PLEK2: variants seen among roughly 807,000 people sequenced by gnomAD.
The protein encoded by PLEK2 is pleckstrin-2.
A neutral mutation model predicts 43.8 loss-of-function variants in PLEK2; 29 were observed. The ratio of observed to expected loss-of-function variants is 0.66; its 90% confidence interval spans 0.49 to 0.90. PLEK2 has a LOEUF of 0.90. Ranked by LOEUF, PLEK2 falls within the 40% of genes least tolerant of loss-of-function variation. PLEK2 has a pLI of 0.00. For missense variants in PLEK2, 398 were observed against 448.1 expected (o/e 0.89, Z 1.01); for synonymous variants, 162 against 173.2 (o/e 0.94, Z 0.51).
rs780972698 is a variant in PLEK2, at chr14:67,387,366, C to T, written c.1025G>A (p.Arg342Gln). The change falls in exon 9 of 9, where the codon CGA (arginine) becomes CAA (glutamine). Residue 342 changes from arginine to glutamine, a missense_variant. By Grantham distance (43) the Arg-to-Gln change is conservative. Coordinates refer to ENST00000216446, the MANE Select transcript of PLEK2 (RefSeq NM_016445.3). ...YYIQASSKAE[R>Q]AEWIEAIKKL... ...TTTGATAGCTTCAATCCACTCGGCT[C>T]GCTCAGCCTTGCTGCTGGCCTGAAT... is the stretch of plus-strand genomic sequence containing the variant. 6 of 1,610,740 alleles carry T rather than the reference C, an allele frequency of 3.7e-6. No individual in the cohort carries two copies. The highest frequency in any genetic ancestry group is 2.7e-5 in the African/African-American group (2 of 74,722).
At chr14:67,400,217 T>A (rs893304301) in intron 1 of PLEK2, among the ~76,000 whole-genome samples, 2 of 152,182 alleles carry the variant, frequency 1.3e-5, no homozygotes, top group African/African-American at 2.4e-5. Context: ...TAAAGAACAC[T>A]TATAACACAG....
chr14:67,412,119 G>C lies in PLEK2; in HGVS notation c.-60C>G. The C allele has an allele frequency of 7.0e-7, 1 of 1,423,516 alleles. No homozygotes were observed. Among genetic ancestry groups the C allele is most frequent in the Non-Finnish European group, 9.2e-7 (1 of 1,082,042 alleles). 88.2% of individuals were successfully genotyped at this position (1,423,516 alleles called of 1,614,324 possible). On this transcript the variant is annotated 5_prime_UTR_variant, in exon 1 of 9. Coordinates refer to ENST00000216446, the MANE Select transcript of PLEK2 (RefSeq NM_016445.3). Reference sequence around the variant, plus strand: ...GCCTTCCCCGCGCCTCGCGCTCCTCGGCACCCGCGCAGCCCGCGCAGTCCG... The same window carrying C: ...GCCTTCCCCGCGCCTCGCGCTCCTCCGCACCCGCGCAGCCCGCGCAGTCCG...
Position 67,392,757 on chromosome 14 carries a change from A to T in PLEK2, c.574T>A (p.Phe192Ile), listed in dbSNP as rs568507273. 6.2e-7 allele frequency: 1 copy of T among 1,614,064 alleles called. No individual in the cohort carries two copies. The highest frequency in any genetic ancestry group is 1.1e-5 in the South Asian group (1 of 91,070). Residue 192 changes from phenylalanine (F) to isoleucine (I), a missense_variant, in exon 5 of 9, where the codon TTC (phenylalanine) becomes ATC (isoleucine). Transcript: ENST00000216446. ...TLASMLMEENFLRPVGVRSMG... is the reference protein window; with the variant it reads ...TLASMLMEENILRPVGVRSMG... ...CTTCGGACACCCACAGGCCTGAGGA[A>T]GTTCTCCTCCATGAGCATGGAGGCC... is the stretch of plus-strand genomic sequence containing the variant.
chr14:67,387,535 C>G (rs878929950), intron 8 of PLEK2, 79 bp from the exon 9 acceptor site: 1 of 1,425,870 alleles, frequency 7.0e-7, no homozygotes, highest in Admixed American at 2.1e-5. Flanking sequence ...AGAAAGTCAA[C>G]TGAGACATGG....
chr14:67,408,344 TAAA>T lies in PLEK2; in HGVS notation c.42+3671_42+3673del, dbSNP rs1566632466. ...TAAAATAAAATAAAATAAAATAAAA[TAAA>T]ATAAAATAAAAAAAGAAAAAACAAA... On this transcript the variant is annotated intron_variant, in intron 1 of 8. Transcript: ENST00000216446. Among the ~76,000 whole-genome samples the T allele has an allele frequency of 1.5e-4, 21 of 138,074 alleles. No individual in the cohort carries two copies. In the East Asian group the frequency reaches 5.5e-3, roughly 36 times the overall value. 90.6% of individuals were successfully genotyped at this position (138,074 alleles called of 152,430 possible).
At chr14:67,394,641 A>G (rs2139853198) in intron 3 of PLEK2, among the ~76,000 whole-genome samples, 1 of 151,972 alleles carries the variant, frequency 6.6e-6, no homozygotes, top group African/African-American at 2.4e-5. Flanking sequence ...TACATCTTTG[A>G]TGGGTGTTAA....
intron 4 of PLEK2, 148 bp downstream of exon 4, chr14:67,393,002 C>A: frequency 1.2e-6 from 1 of 866,296 alleles, no homozygotes. Context: ...AGAGCCGTGG[C>A]TGCACACCCA....
intron 7 of PLEK2, 32 bp downstream of exon 7, chr14:67,390,630 TG>T: frequency 1.4e-6 from 2 of 1,470,780 alleles, no homozygotes; most frequent in Non-Finnish European, 1.9e-6. Flanking sequence ...CATCACAACA[TG>T]GGACCAACAT....
chr14:67,408,444 AC>A (rs1595661543), intron 1 of PLEK2, among the ~76,000 whole-genome samples: 2 of 152,186 alleles, frequency 1.3e-5, no homozygotes, highest in Non-Finnish European at 2.9e-5. Flanking sequence ...TAACCTCTGG[AC>A]CTGTAAGTGT....
chr14:67,406,465 C>A (rs1388728364), intron 1 of PLEK2, among the ~76,000 whole-genome samples: 1 of 151,964 alleles, frequency 6.6e-6, no homozygotes, highest in Non-Finnish European at 1.5e-5. Flanking sequence ...GAGCATAGGA[C>A]CCCTGCCACT....
At position 67,390,654 on chromosome 14, in the gene PLEK2, C is replaced by T. The variant is rs202195810; in HGVS notation, c.855+9G>A. On this transcript the variant is annotated intron_variant, in intron 7 of 8. Coordinates refer to ENST00000216446, the MANE Select transcript of PLEK2 (RefSeq NM_016445.3). ...ATGGGACCAACATGGAGCCAGCATGCGCACTCACTTTGGAAGGGTCATAGT... is the reference window on the plus strand; with the variant it reads ...ATGGGACCAACATGGAGCCAGCATGTGCACTCACTTTGGAAGGGTCATAGT... 8.2e-6 allele frequency: 13 copies of T among 1,588,048 alleles called. No individual in the cohort carries two copies. Among genetic ancestry groups the T allele is most frequent in the African/African-American group, 8.1e-5 (6 of 74,506 alleles).
rs756459487 is a variant in PLEK2, at chr14:67,395,364, G to A, written c.389+38C>T. The stretch of plus-strand genomic sequence containing the variant: ...TCCCCTGCCCACCCAACACAGGCAG[G>A]AGAGGCTGCCACAGAGCCCGGCAAG... On this transcript the variant is annotated intron_variant, in intron 3 of 8. Transcript: ENST00000216446. 1.4e-5 allele frequency: 23 copies of A among 1,588,518 alleles called. No homozygotes were observed. In the South Asian group the frequency reaches 2.2e-4, roughly 15 times the overall value.
intron 1 of PLEK2, among the ~76,000 whole-genome samples, chr14:67,409,199 T>C (rs147130826): frequency 0.017 from 2,571 of 152,026 alleles, 42 homozygotes; most frequent in Non-Finnish European, 0.028. Flanking sequence ...GCCTTGCTGA[T>C]GCCACTGTAC....
At chr14:67,410,649 T>A (rs1467683776) in intron 1 of PLEK2, among the ~76,000 whole-genome samples, 2 of 152,134 alleles carry the variant, frequency 1.3e-5, no homozygotes, top group African/African-American at 2.4e-5. Flanking sequence ...TGTGGACACA[T>A]TTTGTGGGGA....
At chr14:67,388,356 G>C in intron 7 of PLEK2, 54 bp from the exon 8 acceptor site, 1 of 1,056,142 alleles carries the variant, frequency 9.5e-7, no homozygotes, top group African/African-American at 1.5e-5. Flanking sequence ...AAAGGGAAGA[G>C]TTGCACTCCC....
intron 7 of PLEK2, among the ~76,000 whole-genome samples, chr14:67,390,283 A>T (rs559446774): frequency 7.9e-4 from 121 of 152,356 alleles, no homozygotes; most frequent in Admixed American, 1.4e-3. Flanking sequence ...AGGGAGGCAG[A>T]ATTAATGGGA....
At chr14:67,408,844 A>G (rs1185752617) in intron 1 of PLEK2, among the ~76,000 whole-genome samples, 10 of 152,144 alleles carry the variant, frequency 6.6e-5, no homozygotes, top group South Asian at 2.1e-4. Flanking sequence ...TTTTAATACT[A>G]TAAACATATT....
Position 67,395,413 on chromosome 14 carries a change from G to A in PLEK2, c.378C>T (p.His126=). 1 of 1,613,874 alleles carries A rather than the reference G, an allele frequency of 6.2e-7. No individual in the cohort carries two copies. Among genetic ancestry groups the A allele is most frequent in the Non-Finnish European group, 8.5e-7 (1 of 1,179,806 alleles). Residue 126 remains histidine (H), a synonymous_variant, in exon 3 of 9, where the codon CAC becomes CAT. Transcript: ENST00000216446. The part of the protein sequence containing the change: ...SLRNSFKLPP[H]ISLHRIVDKM... Reference sequence around the variant, plus strand: ...AGTGGGGCACTCACTGCAGGCTGATGTGCGGGGGCAGCTTGAAGGAGTTTC... The same window carrying A: ...AGTGGGGCACTCACTGCAGGCTGATATGCGGGGGCAGCTTGAAGGAGTTTC...
At chr14:67,387,953 A>G (rs1179659083) in intron 8 of PLEK2, among the ~76,000 whole-genome samples, 1 of 152,182 alleles carries the variant, frequency 6.6e-6, no homozygotes, top group Non-Finnish European at 1.5e-5. Flanking sequence ...TGTAAGCCTC[A>G]CCTATTATTT....
Sources: gnomAD v4.1 joint callset for allele counts (sites outside exome capture counted in the v4.1 genomes callset) on GRCh38, gnomAD v4.1.1 for gene constraint, MANE v1.5 for transcripts, NCBI Gene and HGNC (gene_info 2026-07-23, HGNC 2026-07-21) for gene names.